The following ARID1B variants were observed in gnomAD, a reference collection of about 807,000 sequenced individuals.
The protein encoded by ARID1B is AT-rich interactive domain-containing protein 1B.
Under a neutral mutation model 212.3 loss-of-function variants are expected in ARID1B, and 30 were observed. The observed-to-expected ratio is 0.14, with a 90% CI of 0.11 to 0.19. ARID1B has a LOEUF of 0.19. Ranked by LOEUF, ARID1B falls within the 10% of genes least tolerant of loss-of-function variation. The pLI is 1.00. For missense variants in ARID1B, 2,891 were observed against 3,204.0 expected (o/e 0.90, Z 2.36); for synonymous variants, 1,402 against 1,301.7 (o/e 1.08, Z -1.66).
chr6:156,827,423 C>G (rs549824567), intron 1 of ARID1B, among the ~76,000 whole-genome samples: 1 of 152,364 alleles, frequency 6.6e-6, no homozygotes, highest in Admixed American at 6.5e-5. Context: ...GCTGCCAGTT[C>G]AGGACCTCAG....
chr6:156,910,459 C>T (rs954710254), intron 3 of ARID1B, among the ~76,000 whole-genome samples: 4 of 152,128 alleles, frequency 2.6e-5, no homozygotes, highest in African/African-American at 9.7e-5. Flanking sequence ...TCCCTTTTGG[C>T]AGGCCCTGGA....
In ARID1B at chr6:157,206,792, G is replaced by A. The variant is rs745924035; in HGVS notation, c.6020G>A (p.Arg2007Gln). Residue 2007 changes from arginine to glutamine, a missense_variant, in exon 20 of 20, where the codon CGG (arginine) becomes CAG (glutamine). This residue lies in a region of ARID1B where 332 missense variants were observed against 369.2 expected (regional missense o/e 0.90). Transcript: ENST00000636930. The surrounding 1 kb of genome is among the most constrained non-coding windows in gnomAD (Gnocchi z 6.8). ...IATIDDVLSA[R>Q]PGALPEDANP... ...ACCATCGATGACGTCCTCTCTGCTC[G>A]GCCAGGGGCATTGCCTGAAGACGCA... 9 of 1,613,768 alleles carry A rather than the reference G, an allele frequency of 5.6e-6. No homozygotes were observed. Among genetic ancestry groups the A allele is most frequent in the East Asian group, 4.5e-5 (2 of 44,890 alleles).
chr6:156,860,430 G>A, intron 2 of ARID1B, among the ~76,000 whole-genome samples: 1 of 151,882 alleles, frequency 6.6e-6, no homozygotes, highest in Non-Finnish European at 1.5e-5. Flanking sequence ...ACAGAAGCCT[G>A]TTAGTGTAAA....
chr6:156,903,892 GGTGT>G (rs1172495436), intron 3 of ARID1B, among the ~76,000 whole-genome samples: 2 of 152,116 alleles, frequency 1.3e-5, no homozygotes, highest in African/African-American at 4.8e-5. Flanking sequence ...AGTAGTACTT[GGTGT>G]CTTGTTAATG....
Position 157,210,298 on chromosome 6 carries a change from A to G in ARID1B, c.*2407A>G, listed in dbSNP as rs1794695461. On this transcript the variant is annotated 3_prime_UTR_variant, in exon 20 of 20. Coordinates refer to ENST00000636930, the MANE Select transcript of ARID1B (RefSeq NM_001374828.1). ...GGAGATTTGTAAGAGGGAATTCAATATTATTCTAATTTCTCTCTTACAGAG... is the reference window on the plus strand; with the variant it reads ...GGAGATTTGTAAGAGGGAATTCAATGTTATTCTAATTTCTCTCTTACAGAG... 4.3e-6 allele frequency: 1 copy of G among 230,688 alleles called. No individual in the cohort carries two copies. The highest frequency in any genetic ancestry group is 1.3e-3 in the Middle Eastern group (1 of 790). The allele number at this position is 230,688 out of a possible 1,614,324, so 14.3% of individuals were successfully genotyped here.
chr6:157,039,674 C>CTTCTTTCTTTCTTTCTTTCTTTCTTTCT (rs1166401045), intron 4 of ARID1B, among the ~76,000 whole-genome samples: 1 of 76,938 alleles, frequency 1.3e-5, no homozygotes, highest in African/African-American at 6.3e-5. Context: ...TCCTTCCTTC[C>CTTCTTTCTTTCTTTCTTTCTTTCTTTCT]TTCCTTCCTT....
intron 5 of ARID1B, among the ~76,000 whole-genome samples, chr6:157,104,082 G>A (rs1488304304): frequency 1.3e-5 from 2 of 151,964 alleles, no homozygotes; most frequent in Non-Finnish European, 2.9e-5. Flanking sequence ...TGATCCACCC[G>A]CCTTGGCCTC....
chr6:157,204,238 G>T (rs1473531353), intron 19 of ARID1B: 2 of 433,662 alleles, frequency 4.6e-6, no homozygotes, highest in Non-Finnish European at 8.4e-6. Flanking sequence ...GACTGTGTGT[G>T]TATGTGTATA....
intron 5 of ARID1B, among the ~76,000 whole-genome samples, chr6:157,097,536 T>G (rs1785729513): frequency 6.6e-6 from 1 of 152,174 alleles, no homozygotes; most frequent in East Asian, 1.9e-4. Context: ...GGAGTGAGCA[T>G]CCGCATGTGG....
At chr6:156,785,415 G>T (rs1779564577) in intron 1 of ARID1B, among the ~76,000 whole-genome samples, 3 of 152,142 alleles carry the variant, frequency 2.0e-5, no homozygotes. Flanking sequence ...TTCCTTATCA[G>T]GTGACTCTGG....
chr6:157,131,980 C>T (rs1181886066), intron 6 of ARID1B, among the ~76,000 whole-genome samples: 4 of 152,204 alleles, frequency 2.6e-5, no homozygotes, highest in Non-Finnish European at 4.4e-5. Context: ...TGAGCCTCCA[C>T]GCCCAGCCAG....
intron 4 of ARID1B, among the ~76,000 whole-genome samples, chr6:157,006,346 C>T (rs1273989483): frequency 6.6e-6 from 1 of 152,072 alleles, no homozygotes; most frequent in Admixed American, 6.5e-5. Context: ...TGTGTTAGGT[C>T]CTCCCCCACC....
chr6:157,002,068 C>T (rs1778945909), intron 4 of ARID1B, among the ~76,000 whole-genome samples: 1 of 152,216 alleles, frequency 6.6e-6, no homozygotes, highest in Non-Finnish European at 1.5e-5. Flanking sequence ...AAATTGCTTT[C>T]TCAATTGCAA....
intron 2 of ARID1B, among the ~76,000 whole-genome samples, chr6:156,885,092 CCTTCTAATGGTAAT>C (rs1352292710): frequency 1.3e-5 from 2 of 151,976 alleles, no homozygotes; most frequent in African/African-American, 4.8e-5. Flanking sequence ...CCTGGCTTTA[CCTTCTAATGGTAAT>C]ATAGCTAAAA....
At chr6:156,780,283 G>A (rs1466023804) in intron 1 of ARID1B, 1 of 152,214 alleles carries the variant, frequency 6.6e-6, no homozygotes, top group Non-Finnish European at 1.5e-5. Flanking sequence ...GATTAGGCAT[G>A]CATTTTATTC....
rs112482107 is a variant in ARID1B at position 156,848,012 on chromosome 6, G to A, written c.1986+18591G>A. 2.6e-3 allele frequency among the ~76,000 whole-genome samples: 401 copies of A among 152,312 alleles called. 1 individual carries two copies. The highest frequency in any genetic ancestry group is 9.2e-3 in the African/African-American group (383 of 41,572). ...ATACTAAGCATTCATATTTAGAATC[G>A]TGATGGAGACTTTGCCAGTCTTCAG... On this transcript the variant is annotated intron_variant, in intron 2 of 19. Coordinates refer to ENST00000636930, the MANE Select transcript of ARID1B (RefSeq NM_001374828.1).
At chr6:157,006,811 G>T (rs974633996) in intron 4 of ARID1B, among the ~76,000 whole-genome samples, 44 of 152,178 alleles carry the variant, frequency 2.9e-4, no homozygotes, top group African/African-American at 1.0e-3. Flanking sequence ...GGAAAAAGGA[G>T]ACTTTATTCA....
chr6:157,148,723 G>A lies in ARID1B; in HGVS notation c.2861G>A (p.Gly954Glu). 2 of 1,613,152 alleles carry A rather than the reference G, an allele frequency of 1.2e-6. No individual in the cohort carries two copies. Among genetic ancestry groups the A allele is most frequent in the Non-Finnish European group, 1.7e-6 (2 of 1,179,958 alleles). ...ATCAGTGCCAACAACCAGATGCATGGACAAGGGCCAAGCCAGCCATGTGGT... is the reference window on the plus strand; with the variant it reads ...ATCAGTGCCAACAACCAGATGCATGAACAAGGGCCAAGCCAGCCATGTGGT... The part of the protein sequence containing the change: ...MGISANNQMH[G>E]QGPSQPCGAV... The change falls in exon 8 of 20, where the codon GGA becomes GAA. Residue 954 changes from glycine to glutamate, a missense_variant. Physicochemically the swap from Gly to Glu is moderately conservative, Grantham distance 98 (BLOSUM62 -2). Transcript: ENST00000636930. The surrounding 1 kb of genome is among the most constrained non-coding windows in gnomAD (Gnocchi z 5.6).
rs765410747 is a variant in ARID1B at position 156,778,945 on chromosome 6, T to TGGC, written c.1275_1277dup (p.Ala433dup). ...GCAGGAGGAGCAGGAGCGGGAGCTGTGGCGGCGGCGGCCGCGGCGGCGGCG... is the reference window on the plus strand; with the variant it reads ...GCAGGAGGAGCAGGAGCGGGAGCTGTGGCGGCGGCGGCGGCCGCGGCGGCGGCG... On this transcript the variant is annotated inframe_insertion, in exon 1 of 20. Coordinates refer to ENST00000636930, the MANE Select transcript of ARID1B (RefSeq NM_001374828.1). The TGGC allele has an allele frequency of 7.8e-5, 100 of 1,277,128 alleles. No individual in the cohort carries two copies. Among genetic ancestry groups the TGGC allele is most frequent in the Non-Finnish European group, 8.8e-5 (90 of 1,021,956 alleles). 79.1% of individuals were successfully genotyped at this position (1,277,128 alleles called of 1,614,324 possible).
Sources: allele counts gnomAD v4.1 joint callset (sites outside exome capture counted in the v4.1 genomes callset), GRCh38; gene constraint gnomAD v4.1.1; regional missense constraint gnomAD v4.1.1; non-coding constraint Gnocchi (gnomAD v3.1); transcripts MANE v1.5; gene names NCBI Gene and HGNC (gene_info 2026-07-23, HGNC 2026-07-21).